Variants in PTPRD observed in about 807,000 individuals in gnomAD.
The protein encoded by PTPRD is receptor-type tyrosine-protein phosphatase delta.
In PTPRD, 34 loss-of-function variants were observed where a neutral mutation model predicts 214.5. The observed-to-expected ratio is 0.16, with a 90% CI of 0.12 to 0.21. The LOEUF is 0.21. Ranked by LOEUF, PTPRD falls within the 10% of genes least tolerant of loss-of-function variation. The probability of loss-of-function intolerance (pLI) is 1.00; values close to 1 mark genes in which losing one functional copy is unlikely to be tolerated. For missense variants in PTPRD, 2,545 were observed against 2,398.7 expected (o/e 1.06, Z -1.27); for synonymous variants, 1,128 against 845.7 (o/e 1.33, Z -5.79).
intron 23 of PTPRD, among the ~76,000 whole-genome samples, chr9:8,502,132 T>G (rs2097423721): frequency 6.6e-6 from 1 of 152,118 alleles, no homozygotes; most frequent in Non-Finnish European, 1.5e-5. Flanking sequence ...GCAATCATTT[T>G]CCATCAAATT....
intron 2 of PTPRD, among the ~76,000 whole-genome samples, chr9:10,349,102 C>A (rs118051097): frequency 6.6e-6 from 1 of 152,024 alleles, no homozygotes; most frequent in Non-Finnish European, 1.5e-5. Flanking sequence ...TATAAAAATT[C>A]AGACTCACTG....
rs138941601 is a variant in PTPRD, at chr9:9,185,090, G to C, written c.-202-1727C>G. 4.0e-3 allele frequency among the ~76,000 whole-genome samples: 615 copies of C among 152,122 alleles called. 3 individuals are homozygous for C. The highest frequency in any genetic ancestry group is 0.013 in the African/African-American group (557 of 41,530). On this transcript the variant is annotated intron_variant, in intron 9 of 45. Coordinates refer to ENST00000381196, the MANE Select transcript of PTPRD (RefSeq NM_002839.4). ...AACCTTAGTCAGAAGTAATGGGCTT[G>C]GAAGCTCCTTGCTGTAGTCGTGGTG...
chr9:10,150,849 C>G (rs2099055969), intron 3 of PTPRD, among the ~76,000 whole-genome samples: 1 of 151,854 alleles, frequency 6.6e-6, no homozygotes, highest in Non-Finnish European at 1.5e-5. Context: ...AACAGTCAGT[C>G]CACAAATTTG....
intron 11 of PTPRD, among the ~76,000 whole-genome samples, chr9:8,950,967 G>A (rs147062989): frequency 4.1e-4 from 62 of 152,052 alleles, no homozygotes; most frequent in African/African-American, 1.4e-3. Context: ...TTTCAGAAAC[G>A]TTTTGATAGT....
intron 3 of PTPRD, among the ~76,000 whole-genome samples, chr9:10,286,747 C>G (rs1379456668): frequency 9.9e-5 from 15 of 152,036 alleles, no homozygotes; most frequent in Non-Finnish European, 2.2e-4. Flanking sequence ...TACAGGCGCC[C>G]AAGACCAAGC....
At chr9:10,275,544 T>C (rs1030535009) in intron 3 of PTPRD, among the ~76,000 whole-genome samples, 6 of 152,086 alleles carry the variant, frequency 3.9e-5, no homozygotes, top group Admixed American at 1.3e-4. Flanking sequence ...GTGTTGATCA[T>C]AGATAGTGTT....
At chr9:9,790,410 C>G (rs2098959094) in intron 5 of PTPRD, among the ~76,000 whole-genome samples, 1 of 152,164 alleles carries the variant, frequency 6.6e-6, no homozygotes, top group Non-Finnish European at 1.5e-5. Flanking sequence ...TTATTGTTTT[C>G]TCTATGAAAT....
chr9:9,037,934 A>C (rs892459427), intron 10 of PTPRD, among the ~76,000 whole-genome samples: 2 of 152,118 alleles, frequency 1.3e-5, no homozygotes, highest in African/African-American at 4.8e-5. Flanking sequence ...GAGCCATGCA[A>C]CTCTGGGAAA....
intron 12 of PTPRD, among the ~76,000 whole-genome samples, chr9:8,684,549 A>G (rs915351431): frequency 6.6e-6 from 1 of 152,224 alleles, no homozygotes; most frequent in African/African-American, 2.4e-5. Flanking sequence ...TACTGGGCTC[A>G]GTAAAACTAG....
chr9:9,778,374 TG>T (rs1207520859), intron 5 of PTPRD, among the ~76,000 whole-genome samples: 3 of 152,098 alleles, frequency 2.0e-5, no homozygotes, highest in Non-Finnish European at 4.4e-5. Flanking sequence ...GGGATTTCCC[TG>T]GGGAAAAGGC....
intron 9 of PTPRD, among the ~76,000 whole-genome samples, chr9:9,333,500 T>TATATTTTATATATATATA (rs945082238): frequency 7.1e-5 from 7 of 98,920 alleles, no homozygotes; most frequent in African/African-American, 4.2e-4. Context: ...TATTATATAG[T>TATATTTTATATATATATA]ATATTATATA....
chr9:9,056,912 A>G (rs1042997170), intron 10 of PTPRD, among the ~76,000 whole-genome samples: 10 of 152,228 alleles, frequency 6.6e-5, no homozygotes, highest in African/African-American at 2.2e-4. Context: ...TGAGACTGCA[A>G]TAATATTTTT....
At chr9:10,142,490 A>C (rs1038325451) in intron 3 of PTPRD, among the ~76,000 whole-genome samples, 8 of 152,276 alleles carry the variant, frequency 5.3e-5, no homozygotes, top group African/African-American at 1.9e-4. Flanking sequence ...TTCTCAAAAG[A>C]AGACATTTAT....
chr9:10,135,147 T>A (rs1011476012), intron 3 of PTPRD, among the ~76,000 whole-genome samples: 4 of 152,184 alleles, frequency 2.6e-5, no homozygotes, highest in African/African-American at 9.7e-5. Context: ...AGATAAGTCC[T>A]TTGAATCAGC....
At chr9:9,544,354 G>C (rs1056275214) in intron 8 of PTPRD, among the ~76,000 whole-genome samples, 1 of 151,460 alleles carries the variant, frequency 6.6e-6, no homozygotes, top group Non-Finnish European at 1.5e-5. Flanking sequence ...ATCAATGAAG[G>C]TTCCCAAAAT....
chr9:8,379,300 T>C (rs999963445), intron 37 of PTPRD, among the ~76,000 whole-genome samples: 2 of 152,136 alleles, frequency 1.3e-5, no homozygotes, highest in African/African-American at 4.8e-5. Context: ...CTTATCTGAA[T>C]AGTGACAGCA....
At chr9:9,470,784 G>C (rs548773998) in intron 8 of PTPRD, among the ~76,000 whole-genome samples, 1 of 152,270 alleles carries the variant, frequency 6.6e-6, no homozygotes, top group African/African-American at 2.4e-5. Flanking sequence ...CATTTGTCTG[G>C]AGGGACACGA....
intron 9 of PTPRD, among the ~76,000 whole-genome samples, chr9:9,322,924 G>C (rs1275750720): frequency 2.0e-5 from 3 of 152,094 alleles, no homozygotes; most frequent in African/African-American, 4.8e-5. Flanking sequence ...ACATTTACTT[G>C]AGTTAAATGA....
At chr9:9,311,144 T>C (rs1011665135) in intron 9 of PTPRD, among the ~76,000 whole-genome samples, 4 of 152,086 alleles carry the variant, frequency 2.6e-5, no homozygotes, top group African/African-American at 9.7e-5. Flanking sequence ...TTATTGTTTG[T>C]TTAGTTGCTT....
Sources: gnomAD v4.1 joint callset for allele counts (sites outside exome capture counted in the v4.1 genomes callset) on GRCh38, gnomAD v4.1.1 for gene constraint, MANE v1.5 for transcripts, NCBI Gene and HGNC (gene_info 2026-07-23, HGNC 2026-07-21) for gene names.